The following SPEN variants were observed in gnomAD, a reference collection of about 807,000 sequenced individuals.
SPEN encodes msx2-interacting protein.
A neutral mutation model predicts 269.9 loss-of-function variants in SPEN; 18 were observed. That is an observed-to-expected ratio of 0.07 (90% CI 0.05 to 0.10). The LOEUF (loss-of-function observed/expected upper bound fraction) is 0.10. Ranked by LOEUF, SPEN falls within the 10% of genes least tolerant of loss-of-function variation. The pLI is 1.00. For synonymous variants in SPEN, 1,726 were observed against 1,765.7 expected (o/e 0.98, Z 0.56); for missense variants, 3,822 against 4,631.2 (o/e 0.83, Z 5.07).
At chr1:15,913,881 A>G (rs967014966) in intron 5 of SPEN, among the ~76,000 whole-genome samples, 1 of 152,136 alleles carries the variant, frequency 6.6e-6, no homozygotes, top group Non-Finnish European at 1.5e-5. Context: ...AAAGAAAGAA[A>G]GAAAATGCAC....
rs761529265 is a variant in SPEN, at chr1:15,937,429, C to T, written c.10293C>T (p.Phe3431=). 4 of 1,613,642 alleles carry T rather than the reference C, an allele frequency of 2.5e-6. No homozygotes were observed. The highest frequency in any genetic ancestry group is 3.4e-6 in the Non-Finnish European group (4 of 1,180,036). Residue 3431 remains phenylalanine, a synonymous_variant, in exon 12 of 15, where the codon TTC becomes TTT. Coordinates refer to ENST00000375759, the MANE Select transcript of SPEN (RefSeq NM_015001.3). The surrounding 1 kb of genome is among the most constrained non-coding windows in gnomAD (Gnocchi z 5.7). ...AAGCAGAAACAGGCCCGACTTCCTT[C>T]CCCTCCCCTGTGTCTGTCTCCATGA... ...RAQAETGPTS[F]PSPVSVSMKP... is the part of the protein sequence containing the mutation.
In SPEN at chr1:15,932,305, G is replaced by A. The variant is rs1238097502; in HGVS notation, c.6065G>A (p.Gly2022Asp). 5.6e-6 allele frequency: 9 copies of A among 1,609,204 alleles called. No individual in the cohort carries two copies. In the East Asian group the frequency reaches 6.7e-5, roughly 12 times the overall value. ...ACCACTGAGGTGGGCCCCCAAATAG[G>A]CGTGAAAGAGAGCTCCATGGAACCC... ...EATTEVGPQI[G>D]VKESSMEPKA... is the part of the protein sequence containing the mutation. The change falls in exon 11 of 15, where the codon GGC becomes GAC. Residue 2022 changes from glycine to aspartate, a missense_variant. Around this residue, in one of 16 missense-constraint regions of SPEN, gnomAD observed 727 missense variants for 737.9 expected, o/e 0.99. Coordinates refer to ENST00000375759, the MANE Select transcript of SPEN (RefSeq NM_015001.3). This position sits in a 1 kb window ranked among gnomAD's most constrained non-coding sequence, Gnocchi z 4.2.
intron 1 of SPEN, among the ~76,000 whole-genome samples, chr1:15,867,362 C>G (rs988937810): frequency 5.3e-5 from 8 of 152,196 alleles, no homozygotes; most frequent in Admixed American, 2.0e-4. Context: ...TGCCCTCCCC[C>G]CTTTTATTTT....
chr1:15,905,127 A>G (rs149699190), intron 3 of SPEN, among the ~76,000 whole-genome samples: 277 of 151,994 alleles, frequency 1.8e-3, no homozygotes, highest in African/African-American at 6.3e-3. Flanking sequence ...ACCTCAGGTA[A>G]TCTACCTGCT....
Position 15,931,535 on chromosome 1 carries a change from G to A in SPEN, c.5295G>A (p.Lys1765=), listed in dbSNP as rs746943043. The A allele has an allele frequency of 1.2e-6, 2 of 1,614,144 alleles. No homozygotes were observed. Among genetic ancestry groups the A allele is most frequent in the East Asian group, 4.5e-5 (2 of 44,882 alleles). ...STQPLSKPAQ[K]SEEANEPKAE... ...AGCCACTTTCAAAACCAGCTCAGAAGTCTGAGGAAGCCAATGAGCCAAAGG... is the reference window on the plus strand; with the variant it reads ...AGCCACTTTCAAAACCAGCTCAGAAATCTGAGGAAGCCAATGAGCCAAAGG... The change falls in exon 11 of 15, where the codon AAG becomes AAA. Residue 1765 remains lysine, a synonymous_variant. Coordinates refer to ENST00000375759, the MANE Select transcript of SPEN (RefSeq NM_015001.3). The surrounding 1 kb of genome is among the most constrained non-coding windows in gnomAD (Gnocchi z 4.8).
chr1:15,899,537 GTTTTTTTTTTTT>G (rs34565365), intron 3 of SPEN, among the ~76,000 whole-genome samples: 2 of 83,420 alleles, frequency 2.4e-5, no homozygotes, highest in South Asian at 4.7e-4. Context: ...ATGTGGCAGA[GTTTTTTTTTTTT>G]TTTTTTTTTT....
chr1:15,939,623 ACATAATGCTTTAG>A lies in SPEN; in HGVS notation c.*198_*210del. The A allele has an allele frequency of 1.8e-6, 1 of 547,106 alleles. No individual in the cohort carries two copies. The allele number at this position is 547,106 out of a possible 1,614,324, so 33.9% of individuals were successfully genotyped here. ...AGTGGTGCTGCTACCTTGTATGTTT[ACATAATGCTTTAG>A]CCCAAGGACACATCACCAACCCATG... On this transcript the variant is annotated 3_prime_UTR_variant, in exon 15 of 15. Coordinates refer to ENST00000375759, the MANE Select transcript of SPEN (RefSeq NM_015001.3). The surrounding 1 kb of genome is among the most constrained non-coding windows in gnomAD (Gnocchi z 4.1).
Position 15,876,396 on chromosome 1 carries a change from G to T in SPEN, c.599G>T (p.Arg200Leu), listed in dbSNP as rs910179277. ...AATCGCTTTGATGCTCATGACCCCC[G>T]ATATGAACCTAGGGCTCGCGAGCAG... The part of the protein sequence containing the change: ...SPNRFDAHDP[R>L]YEPRAREQFT... Residue 200 changes from arginine to leucine, a missense_variant, in exon 3 of 15, where the codon CGA becomes CTA. By Grantham distance (102) the Arg-to-Leu change is moderately radical. This residue lies in a region of SPEN where 327 missense variants were observed against 350.8 expected (regional missense o/e 0.93). Transcript: ENST00000375759. The T allele has an allele frequency of 6.2e-7, 1 of 1,614,070 alleles. No homozygotes were observed. The highest frequency in any genetic ancestry group is 1.1e-5 in the South Asian group (1 of 91,062).
At chr1:15,879,843 TG>T (rs2070669902) in intron 3 of SPEN, among the ~76,000 whole-genome samples, 3 of 152,104 alleles carry the variant, frequency 2.0e-5, no homozygotes, top group Admixed American at 2.0e-4. Context: ...GCTAATTTTT[TG>T]TATTTTTAGT....
rs2070448038 is a variant in SPEN, at chr1:15,861,450, AAGGATAAAAGT to A, written c.84-11365_84-11355del. Among the ~76,000 whole-genome samples the A allele has an allele frequency of 5.3e-5, 8 of 152,208 alleles. 1 individual carries two copies. The South Asian group carries it at 1.5e-3, about 28-fold the overall frequency. ...TGGCCCAGATACTTTTTTATGGAGTAAGGATAAAAGTCACTAGTTAAGTGAAATATTAGAAA... is the reference window on the plus strand; with the variant it reads ...TGGCCCAGATACTTTTTTATGGAGTACACTAGTTAAGTGAAATATTAGAAA... On this transcript the variant is annotated intron_variant, in intron 1 of 14. Coordinates refer to ENST00000375759, the MANE Select transcript of SPEN (RefSeq NM_015001.3).
intron 1 of SPEN, among the ~76,000 whole-genome samples, chr1:15,867,816 T>A (rs1416860986): frequency 1.3e-5 from 2 of 152,058 alleles, no homozygotes; most frequent in East Asian, 3.9e-4. Flanking sequence ...TACCATCTTT[T>A]CATGTGTTTA....
chr1:15,925,056 G>C (rs1406007539), intron 10 of SPEN, among the ~76,000 whole-genome samples: 1 of 152,156 alleles, frequency 6.6e-6, no homozygotes, highest in East Asian at 1.9e-4. Flanking sequence ...GATAAGCTCA[G>C]GAATGCAAAT....
intron 3 of SPEN, among the ~76,000 whole-genome samples, chr1:15,906,515 G>T (rs1401368243): frequency 7.4e-6 from 1 of 134,360 alleles, no homozygotes; most frequent in African/African-American, 3.0e-5. Context: ...CTGGAGTGCA[G>T]TGGTGTGATC....
At chr1:15,880,737 A>C (rs1313933790) in intron 3 of SPEN, among the ~76,000 whole-genome samples, 1 of 152,072 alleles carries the variant, frequency 6.6e-6, no homozygotes, top group Non-Finnish European at 1.5e-5. Flanking sequence ...GATTACAGGC[A>C]TGAGCCACTG....
intron 3 of SPEN, among the ~76,000 whole-genome samples, chr1:15,890,559 T>TC (rs544469054): frequency 1.1e-3 from 136 of 122,562 alleles, no homozygotes; most frequent in Non-Finnish European, 1.9e-3. Flanking sequence ...TTGACTCAGG[T>TC]TTTTTTTTTT....
At chr1:15,875,824 A>T (rs942842564) in intron 2 of SPEN, among the ~76,000 whole-genome samples, 1 of 152,218 alleles carries the variant, frequency 6.6e-6, no homozygotes, top group African/African-American at 2.4e-5. Context: ...AAAATTTGGT[A>T]TATACTTTAA....
rs745968976 is a variant in SPEN at position 15,935,631 on chromosome 1, G to A, written c.9391G>A (p.Val3131Ile). The A allele has an allele frequency of 4.3e-6, 7 of 1,614,124 alleles. No individual in the cohort carries two copies. Among genetic ancestry groups the A allele is most frequent in the Middle Eastern group, 1.6e-4 (1 of 6,062 alleles). The change falls in exon 11 of 15, where the codon GTC (valine) becomes ATC (isoleucine). Residue 3131 changes from valine to isoleucine, a missense_variant. This residue lies in a region of SPEN where 153 missense variants were observed against 228.5 expected (regional missense o/e 0.67). Transcript: ENST00000375759. The surrounding 1 kb of genome is among the most constrained non-coding windows in gnomAD (Gnocchi z 7.7). ...RAPLQPQQIE[V>I]RAPQRASTPQ... ...TCCGCTGCAGCCCCAGCAAATAGAG[G>A]TCAGGGCCCCACAGCGTGCCAGCAC...
At chr1:15,864,741 G>C (rs1470778378) in intron 1 of SPEN, among the ~76,000 whole-genome samples, 1 of 150,494 alleles carries the variant, frequency 6.6e-6, no homozygotes, top group Non-Finnish European at 1.5e-5. Context: ...AGTAGCTAGG[G>C]CTCAAGCTCC....
chr1:15,854,154 C>T (rs1557732210), intron 1 of SPEN, among the ~76,000 whole-genome samples: 1 of 152,094 alleles, frequency 6.6e-6, no homozygotes, highest in African/African-American at 2.4e-5. Context: ...TGTAGTTAAC[C>T]ATCCACAGTA....
Sources: allele counts gnomAD v4.1 joint callset (sites outside exome capture counted in the v4.1 genomes callset), GRCh38; gene constraint gnomAD v4.1.1; regional missense constraint gnomAD v4.1.1; non-coding constraint Gnocchi (gnomAD v3.1); transcripts MANE v1.5; gene names NCBI Gene and HGNC (gene_info 2026-07-23, HGNC 2026-07-21).